Variants in C8orf34 observed in about 807,000 individuals in gnomAD.
C8orf34 encodes uncharacterized protein C8orf34.
In C8orf34, 65 loss-of-function variants were observed where a neutral mutation model predicts 68.3. The observed-to-expected ratio is 0.95, with a 90% confidence interval of 0.78 to 1.17. C8orf34 has a LOEUF of 1.17. Among genes scored for constraint, C8orf34 ranks in the 50% most tolerant of loss-of-function variants. The pLI is 0.00. For synonymous variants in C8orf34, 244 were observed against 241.2 expected (o/e 1.01, Z -0.11); for missense variants, 664 against 655.4 (o/e 1.01, Z -0.14).
chr8:68,492,776 A>G (rs2129631967), intron 5 of C8orf34, among the ~76,000 whole-genome samples: 1 of 151,700 alleles, frequency 6.6e-6, no homozygotes, highest in African/African-American at 2.4e-5. Flanking sequence ...GCCCTGCAGA[A>G]AGTGTGCTCA....
At chr8:68,383,601 T>A (rs961625215) in intron 1 of C8orf34, among the ~76,000 whole-genome samples, 1 of 152,250 alleles carries the variant, frequency 6.6e-6, no homozygotes, top group African/African-American at 2.4e-5. Flanking sequence ...AGTGTAAGAA[T>A]GATGAATAAG....
chr8:68,349,865 A>T lies in C8orf34; in HGVS notation c.327+18526A>T, dbSNP rs139215904. 1.3e-3 allele frequency among the ~76,000 whole-genome samples: 201 copies of T among 151,538 alleles called. 1 individual carries two copies. The highest frequency in any genetic ancestry group is 4.8e-3 in the African/African-American group (198 of 41,378). On this transcript the variant is annotated intron_variant, in intron 1 of 13. Coordinates refer to ENST00000518698, the MANE Select transcript of C8orf34 (RefSeq NM_052958.4). ...GATCTTCTCTCTTTTCTTCTTCATT[A>T]GTCTAGCTAGTGGCCTATATATTTT...
chr8:68,647,910 G>T (rs187132410), intron 8 of C8orf34, among the ~76,000 whole-genome samples: 28 of 152,254 alleles, frequency 1.8e-4, no homozygotes, highest in Non-Finnish European at 3.4e-4. Flanking sequence ...AAATGACATT[G>T]TTTGGCAAGT....
intron 2 of C8orf34, 86 bp downstream of exon 2, chr8:68,439,732 CTAGA>C: frequency 2.3e-6 from 3 of 1,322,530 alleles, no homozygotes; most frequent in East Asian, 4.9e-5. Context: ...TAAGATAAAT[CTAGA>C]TAGATAGTTA....
chr8:68,426,805 G>A (rs189462645), intron 1 of C8orf34, among the ~76,000 whole-genome samples: 99 of 151,706 alleles, frequency 6.5e-4, no homozygotes, highest in Non-Finnish European at 1.1e-3. Flanking sequence ...GGAGGTAGAC[G>A]TTGCAGTGAG....
intron 3 of C8orf34, among the ~76,000 whole-genome samples, chr8:68,464,356 T>A (rs1812002965): frequency 6.6e-6 from 1 of 152,010 alleles, no homozygotes; most frequent in Admixed American, 6.6e-5. Flanking sequence ...ATCAAGATCG[T>A]GAAAATGGCC....
At chr8:68,464,242 G>A (rs1179468736) in intron 3 of C8orf34, among the ~76,000 whole-genome samples, 1 of 152,096 alleles carries the variant, frequency 6.6e-6, no homozygotes, top group African/African-American at 2.4e-5. Flanking sequence ...CAACTTACAA[G>A]GGATGTGAAG....
intron 3 of C8orf34, among the ~76,000 whole-genome samples, chr8:68,457,499 G>T (rs1329367459): frequency 6.6e-6 from 1 of 152,068 alleles, no homozygotes; most frequent in Admixed American, 6.6e-5. Context: ...AGTTATTTTG[G>T]TTCAAAGGAA....
At chr8:68,433,928 A>G (rs536992731) in intron 1 of C8orf34, among the ~76,000 whole-genome samples, 1 of 152,314 alleles carries the variant, frequency 6.6e-6, no homozygotes, top group South Asian at 2.1e-4. Flanking sequence ...ACTAGTTAGT[A>G]TTCATTTTCC....
At chr8:68,772,846 TCTTTCTCTCCTTCCTTCC>T (rs1363247393) in intron 10 of C8orf34, among the ~76,000 whole-genome samples, 4 of 150,914 alleles carry the variant, frequency 2.7e-5, no homozygotes, top group African/African-American at 9.8e-5. Context: ...TTTCTTTCTC[TCTTTCTCTCCTTCCTTCC>T]TTCTTTCCTT....
chr8:68,650,637 G>A (rs1327731186), intron 8 of C8orf34, among the ~76,000 whole-genome samples: 6 of 151,762 alleles, frequency 4.0e-5, no homozygotes, highest in South Asian at 2.1e-4. Context: ...CCGCCACCAC[G>A]CCCGGCTAAT....
intron 4 of C8orf34, among the ~76,000 whole-genome samples, chr8:68,487,534 T>C (rs900656814): frequency 1.8e-4 from 27 of 152,206 alleles, no homozygotes; most frequent in Admixed American, 1.8e-3. Flanking sequence ...TCTGAGGGAC[T>C]GTGGGAAAAT....
intron 1 of C8orf34, 42 bp from the exon 2 acceptor site, chr8:68,439,457 T>C: frequency 6.3e-7 from 1 of 1,592,976 alleles, no homozygotes; most frequent in Non-Finnish European, 8.6e-7. Flanking sequence ...TTACTGTTGC[T>C]GTTATTATTA....
At position 68,639,318 on chromosome 8, in the gene C8orf34, T is replaced by C. The variant is rs1206121480; in HGVS notation, c.1106-1058T>C. Among the ~76,000 whole-genome samples, 4 of 152,134 alleles carry C rather than the reference T, an allele frequency of 2.6e-5. No homozygotes were observed. In the East Asian group the frequency reaches 7.7e-4, roughly 29 times the overall value. On this transcript the variant is annotated intron_variant, in intron 7 of 13. Transcript: ENST00000518698. ...TACAAGTGGACAACAAGGCTTTCAC[T>C]TGGGATGCCTATGGAAGAAGCCTGT...
chr8:68,418,769 G>A (rs927939604), intron 1 of C8orf34, among the ~76,000 whole-genome samples: 22 of 152,074 alleles, frequency 1.4e-4, no homozygotes, highest in Non-Finnish European at 2.9e-4. Flanking sequence ...GGGAAAACTG[G>A]CTAGCCATAT....
intron 7 of C8orf34, among the ~76,000 whole-genome samples, chr8:68,610,856 C>CTTTTGT (rs200334268): frequency 3.8e-5 from 4 of 104,488 alleles, no homozygotes; most frequent in African/African-American, 2.2e-4. Flanking sequence ...TACAGTGAAT[C>CTTTTGT]TTTGGTTTTT....
upstream of C8orf34, chr8:68,330,735 A>C: frequency 5.6e-6 from 2 of 357,178 alleles, no homozygotes; most frequent in Non-Finnish European, 9.9e-6. Flanking sequence ...CTCGGGGAGC[A>C]GCCCGGGCTG....
At position 68,607,030 on chromosome 8, in the gene C8orf34, C is replaced by A. The variant is rs188570517; in HGVS notation, c.1106-33346C>A. ...ATACTACATATCTCCAGATGTTTAC[C>A]ATTTGTGAGTGTTTTAAAAATGAAA... is the stretch of plus-strand genomic sequence containing the variant. On this transcript the variant is annotated intron_variant, in intron 7 of 13. Transcript: ENST00000518698. Among the ~76,000 whole-genome samples, 7 of 152,074 alleles carry A rather than the reference C, an allele frequency of 4.6e-5. No homozygotes were observed. The East Asian group carries it at 1.4e-3, about 29-fold the overall frequency.
At chr8:68,587,830 GAA>G (rs1354928229) in intron 7 of C8orf34, among the ~76,000 whole-genome samples, 1 of 152,038 alleles carries the variant, frequency 6.6e-6, no homozygotes, top group African/African-American at 2.4e-5. Flanking sequence ...TTAAATAGGA[GAA>G]AGAGAGAAGA....
Sources: allele counts gnomAD v4.1 joint callset (sites outside exome capture counted in the v4.1 genomes callset), GRCh38; gene constraint gnomAD v4.1.1; transcripts MANE v1.5; gene names NCBI Gene and HGNC (gene_info 2026-07-23, HGNC 2026-07-21).